The following RPP40 variants were observed in gnomAD, a reference collection of about 807,000 sequenced individuals.
RPP40 encodes ribonuclease P protein subunit p40.
RPP40 carries 30 observed loss-of-function variants against 42.5 expected under a neutral mutation model. That is an observed-to-expected ratio of 0.71 (90% CI 0.53 to 0.96). RPP40 has a LOEUF of 0.96. Among genes scored for constraint, RPP40 ranks in the 40% least tolerant of loss-of-function variants. RPP40 has a pLI of 0.00. For missense variants in RPP40, 426 were observed against 433.5 expected (o/e 0.98, Z 0.15); for synonymous variants, 173 against 164.0 (o/e 1.05, Z -0.42).
intron 5 of RPP40, among the ~76,000 whole-genome samples, chr6:4,996,702 C>T (rs1759395415): frequency 6.6e-6 from 1 of 152,192 alleles, no homozygotes; most frequent in Admixed American, 6.5e-5. Flanking sequence ...AAAATTTCAA[C>T]TTCACACTTA....
At position 4,999,804 on chromosome 6, in the gene RPP40, C is replaced by T. The variant is rs1759496230; in HGVS notation, c.433+5G>A. 3 of 1,493,198 alleles carry T rather than the reference C, an allele frequency of 2.0e-6. No homozygotes were observed. The East Asian group carries it at 6.8e-5, about 34-fold the overall frequency. 92.5% of individuals were successfully genotyped at this position (1,493,198 alleles called of 1,614,324 possible). On this transcript the variant is annotated splice_donor_5th_base_variant and intron_variant, in intron 4 of 7. Transcript: ENST00000380051. ...AGAAACAGATGGAACACACATGATA[C>T]TTACTAAATTTCATAATTTTTCTGC...
downstream of RPP40, among the ~76,000 whole-genome samples, chr6:4,994,524 C>T (rs1166419737): frequency 6.6e-6 from 1 of 152,148 alleles, no homozygotes; most frequent in Admixed American, 6.5e-5. Context: ...TCCATTGATC[C>T]CTCTCTGATC....
chr6:4,992,368 CAAAAA>C (rs56244686), downstream of RPP40, among the ~76,000 whole-genome samples: 9 of 108,712 alleles, frequency 8.3e-5, no homozygotes, highest in Admixed American at 1.9e-4. Flanking sequence ...GGCTCTGTCT[CAAAAA>C]AAAAAAAAAA....
the RPP40 span, among the ~76,000 whole-genome samples, chr6:4,988,742 C>T: frequency 6.6e-6 from 1 of 152,030 alleles, no homozygotes; most frequent in African/African-American, 2.4e-5. Flanking sequence ...TTGTTTTTTT[C>T]CTAGGTCTTG....
downstream of RPP40, among the ~76,000 whole-genome samples, chr6:4,993,867 CT>C (rs35929133): frequency 0.038 from 5,823 of 152,086 alleles, 323 homozygotes; most frequent in Admixed American, 0.13. Context: ...TGCATCTATC[CT>C]TTTGGAGTCT....
intron 5 of RPP40, among the ~76,000 whole-genome samples, chr6:4,998,236 G>A (rs955366407): frequency 6.6e-6 from 1 of 152,280 alleles, no homozygotes; most frequent in Admixed American, 6.5e-5. Flanking sequence ...GGCAGATTAC[G>A]CTGTGTGGTG....
chr6:4,997,658 C>A (rs970939742), intron 5 of RPP40, among the ~76,000 whole-genome samples: 18 of 120,354 alleles, frequency 1.5e-4, no homozygotes, highest in Middle Eastern at 7.4e-3. Context: ...TCCATCCATC[C>A]ATCCATCCAT....
At chr6:4,997,263 G>C (rs1360004402) in intron 5 of RPP40, among the ~76,000 whole-genome samples, 1 of 152,240 alleles carries the variant, frequency 6.6e-6, no homozygotes, top group Non-Finnish European at 1.5e-5. Context: ...TGGCAGGTGA[G>C]TGGGTAAACT....
At chr6:4,989,447 T>TACAC in the RPP40 span, among the ~76,000 whole-genome samples, 35,420 of 151,102 alleles carry the variant, frequency 0.23, 4,247 homozygotes, top group African/African-American at 0.29. Context: ...TTTGTCATTT[T>TACAC]ACACACACAC....
chr6:5,002,929 C>T (rs1241492500), intron 1 of RPP40, among the ~76,000 whole-genome samples: 1 of 152,252 alleles, frequency 6.6e-6, no homozygotes, highest in South Asian at 2.1e-4. Flanking sequence ...CTCTGAAACA[C>T]TGCTCAGTCA....
At chr6:4,991,200 T>C (rs1759258051), downstream of RPP40, among the ~76,000 whole-genome samples, 1 of 152,222 alleles carries the variant, frequency 6.6e-6, no homozygotes, top group Non-Finnish European at 1.5e-5. Flanking sequence ...TGAGTTTTTC[T>C]CTTTTCTAGT....
At chr6:5,002,324 AT>A in intron 1 of RPP40, 79 bp from the exon 2 acceptor site, 1 of 1,259,904 alleles carries the variant, frequency 7.9e-7, no homozygotes, top group Admixed American at 2.4e-5. Flanking sequence ...AAACAAAATC[AT>A]GAAAGTTGTT....
At chr6:4,996,853 A>G (rs1197562384) in intron 5 of RPP40, among the ~76,000 whole-genome samples, 2 of 152,226 alleles carry the variant, frequency 1.3e-5, no homozygotes, top group Non-Finnish European at 2.9e-5. Flanking sequence ...TGAAAACCCA[A>G]TAAAATCCAG....
At chr6:4,997,891 A>G (rs1454596689) in intron 5 of RPP40, among the ~76,000 whole-genome samples, 1 of 152,216 alleles carries the variant, frequency 6.6e-6, no homozygotes, top group African/African-American at 2.4e-5. Flanking sequence ...AGCTTTAGGA[A>G]TAGGGAGCTA....
chr6:4,994,288 C>T (rs1463439154), downstream of RPP40, among the ~76,000 whole-genome samples: 1 of 151,250 alleles, frequency 6.6e-6, no homozygotes, highest in Non-Finnish European at 1.5e-5. Flanking sequence ...GGAGATATAC[C>T]TAATGTTAAA....
intron 6 of RPP40, 49 bp downstream of exon 6, chr6:4,996,173 C>G (rs1050568216): frequency 6.2e-7 from 1 of 1,605,914 alleles, no homozygotes; most frequent in Admixed American, 1.7e-5. Flanking sequence ...CTATTAAAAA[C>G]AAGCAGCAGG....
At chr6:4,992,931 A>G (rs979302557), downstream of RPP40, among the ~76,000 whole-genome samples, 8 of 152,214 alleles carry the variant, frequency 5.3e-5, no homozygotes, top group African/African-American at 1.7e-4. Flanking sequence ...ATCACACTCT[A>G]TCTTCAAATG....
intron 1 of RPP40, 97 bp from the exon 2 acceptor site, chr6:5,002,342 C>T: frequency 9.4e-7 from 1 of 1,068,210 alleles, no homozygotes; most frequent in Non-Finnish European, 1.3e-6. Context: ...TGTTATTTCT[C>T]CACGAGTTTC....
chr6:4,999,578 A>G lies in RPP40; in HGVS notation c.433+231T>C, dbSNP rs896299354. ...TGCCAAGGTTTAACCCGAAACATAT[A>G]TATTTAATTGACCAGTCCAAGTCTA... On this transcript the variant is annotated intron_variant, in intron 4 of 7. Coordinates refer to ENST00000380051, the MANE Select transcript of RPP40 (RefSeq NM_006638.4). 2.4e-4 allele frequency among the ~76,000 whole-genome samples: 36 copies of G among 152,110 alleles called. 1 individual carries two copies. Among genetic ancestry groups the G allele is most frequent in the Admixed American group, 2.4e-3 (36 of 15,260 alleles).
Sources: gnomAD v4.1 joint callset for allele counts (sites outside exome capture counted in the v4.1 genomes callset) on GRCh38, gnomAD v4.1.1 for gene constraint, MANE v1.5 for transcripts, NCBI Gene and HGNC (gene_info 2026-07-23, HGNC 2026-07-21) for gene names.